The following MN1 variants were observed in gnomAD, a reference collection of about 807,000 sequenced individuals.
MN1 encodes the protein MN1 proto-oncogene, transcriptional regulator.
Under a neutral mutation model 86.9 loss-of-function variants are expected in MN1, and 19 were observed. The observed-to-expected ratio is 0.22, with a 90% CI of 0.15 to 0.32. The LOEUF (loss-of-function observed/expected upper bound fraction) is 0.32, where lower values mean the gene tolerates loss of function less well. Among genes scored for constraint, MN1 ranks in the 10% least tolerant of loss-of-function variants. MN1 has a pLI of 1.00. For synonymous variants in MN1, 928 were observed against 849.6 expected, an observed-to-expected ratio of 1.09 and a Z score of -1.60; for missense variants, 1,841 against 1,862.0, an observed-to-expected ratio of 0.99 and a Z score of 0.21.
chr22:27,753,153 C>T (rs1193478440), intron 1 of MN1, among the ~76,000 whole-genome samples: 1 of 152,222 alleles, frequency 6.6e-6, no homozygotes, highest in Non-Finnish European at 1.5e-5. Flanking sequence ...TGGCCCCTTC[C>T]CTCATTCATG....
chr22:27,767,382 T>G (rs1932877875), intron 1 of MN1, among the ~76,000 whole-genome samples: 1 of 152,158 alleles, frequency 6.6e-6, no homozygotes, highest in South Asian at 2.1e-4. Context: ...CATGTAGAGA[T>G]TAAGGAATTA....
chr22:27,781,338 C>T (rs749422042), intron 1 of MN1, among the ~76,000 whole-genome samples: 18 of 152,218 alleles, frequency 1.2e-4, no homozygotes, highest in East Asian at 1.9e-4. Context: ...GAGGCCTGTC[C>T]TGTGCATTGT....
rs1181398068 is a variant in MN1, at chr22:27,749,823, C to T, written c.*1092G>A. 1.3e-5 allele frequency: 3 copies of T among 231,284 alleles called. No homozygotes were observed. The highest frequency in any genetic ancestry group is 2.2e-5 in the African/African-American group (1 of 45,214). 14.3% of individuals were successfully genotyped at this position (231,284 alleles called of 1,614,324 possible). On this transcript the variant is annotated 3_prime_UTR_variant, in exon 2 of 2. Transcript: ENST00000302326. ...TCATCCCTCCCAGGGGTGGGGTTGC[C>T]CAGGCTGGACTGGGGATGGAATGGG...
chr22:27,798,921 CTGT>C lies in MN1; in HGVS notation c.1620_1622del (p.Gln550del), dbSNP rs757115560. 4.1e-4 allele frequency: 633 copies of C among 1,538,016 alleles called. No individual in the cohort carries two copies. The African/African-American group carries it at 7.3e-3, about 18-fold the overall frequency. On this transcript the variant is annotated inframe_deletion, in exon 1 of 2. Transcript: ENST00000302326. ...GCTGCTGCTGCTGCTGTTGCTGTTG[CTGT>C]TGCTGCTGCTGCTGCTGCTGTTGCT...
intron 1 of MN1, among the ~76,000 whole-genome samples, chr22:27,752,565 A>G (rs1218532104): frequency 6.6e-6 from 1 of 152,214 alleles, no homozygotes; most frequent in Non-Finnish European, 1.5e-5. Context: ...AACCATTCAC[A>G]TCTTAGTATA....
Position 27,797,136 on chromosome 22 carries a change from G to A in MN1, c.3408C>T (p.Arg1136=). 6.3e-7 allele frequency: 1 copy of A among 1,576,682 alleles called. No individual in the cohort carries two copies. Among genetic ancestry groups the A allele is most frequent in the Non-Finnish European group, 8.6e-7 (1 of 1,163,466 alleles). Residue 1136 remains arginine, a synonymous_variant, in exon 1 of 2, where the codon CGC becomes CGT. Coordinates refer to ENST00000302326, the MANE Select transcript of MN1 (RefSeq NM_002430.3). The part of the protein sequence containing the change: ...HPGTPGLEQV[R]TPTSSSGAPP... ...GGGCGCCGCTGCTGCTCGTCGGGGT[G>A]CGGACCTGCTCCAGGCCCGGAGTGC...
In MN1 at chr22:27,797,077, A is replaced by G. The variant is rs1432775869; in HGVS notation, c.3467T>C (p.Leu1156Pro). 2 of 1,611,306 alleles carry G rather than the reference A, an allele frequency of 1.2e-6. No individual in the cohort carries two copies. The highest frequency in any genetic ancestry group is 1.7e-6 in the Non-Finnish European group (2 of 1,179,276). The change falls in exon 1 of 2, where the codon CTT (leucine) becomes CCT (proline). Residue 1156 changes from leucine to proline, a missense_variant. Transcript: ENST00000302326. ...PPDEIHPLEI[L>P]QAQIQLQRQQ... is the part of the protein sequence containing the mutation. ...CCTCTGTAGCTGGATCTGCGCCTGA[A>G]GGATCTCCAGGGGGTGGATCTCGTC...
rs932024176 is a variant in MN1, at chr22:27,784,527, CTAAA to C, written c.3781+12232_3781+12235del. On this transcript the variant is annotated intron_variant, in intron 1 of 1. Coordinates refer to ENST00000302326, the MANE Select transcript of MN1 (RefSeq NM_002430.3). ...GGCTTAAAAACAGATCAATTTTACT[CTAAA>C]GTTTAAAATGAAACATGCTCTTGTT... is the stretch of plus-strand genomic sequence containing the variant. Among the ~76,000 whole-genome samples, 10 of 152,076 alleles carry C rather than the reference CTAAA, an allele frequency of 6.6e-5. No individual in the cohort carries two copies. In the South Asian group the frequency reaches 8.3e-4, roughly 13 times the overall value.
Position 27,750,798 on chromosome 22 carries a change from T to G in MN1, c.*117A>C. 1 of 821,376 alleles carries G rather than the reference T, an allele frequency of 1.2e-6. No individual in the cohort carries two copies. Among genetic ancestry groups the G allele is most frequent in the East Asian group, 3.0e-5 (1 of 33,086 alleles). The allele number at this position is 821,376 out of a possible 1,614,324, so 50.9% of individuals were successfully genotyped here. A position where few individuals can be genotyped will look rare whatever the true frequency, so the allele number is the denominator to read the frequency against. On this transcript the variant is annotated 3_prime_UTR_variant, in exon 2 of 2. Coordinates refer to ENST00000302326, the MANE Select transcript of MN1 (RefSeq NM_002430.3). Reference sequence around the variant, plus strand: ...AACCTAGAGAAAAAAAAAAAACTCATCCACTCAGCAATAGTGGCCCTTTCA... The same window carrying G: ...AACCTAGAGAAAAAAAAAAAACTCAGCCACTCAGCAATAGTGGCCCTTTCA...
At chr22:27,786,926 A>T (rs1933141922) in intron 1 of MN1, among the ~76,000 whole-genome samples, 1 of 152,184 alleles carries the variant, frequency 6.6e-6, no homozygotes, top group South Asian at 2.1e-4. Context: ...TATTAACTAA[A>T]CTGACCCAAA....
chr22:27,764,613 T>C (rs961180601), intron 1 of MN1, among the ~76,000 whole-genome samples: 7 of 152,178 alleles, frequency 4.6e-5, no homozygotes, highest in African/African-American at 1.4e-4. Context: ...TGCCAGGTCA[T>C]CCAACAGTGA....
At chr22:27,776,632 T>C (rs1932981939) in intron 1 of MN1, among the ~76,000 whole-genome samples, 2 of 151,592 alleles carry the variant, frequency 1.3e-5, no homozygotes, top group Admixed American at 1.3e-4. Flanking sequence ...TGAAATTCAG[T>C]GGTTCTGGCC....
At position 27,784,592 on chromosome 22, in the gene MN1, T is replaced by C. The variant is rs559467041; in HGVS notation, c.3781+12171A>G. Reference sequence around the variant, plus strand: ...ATTTCATTAGGGGGAAAATATAATATAAAAATACCCATTTAGAAAGAATGT... The same window carrying C: ...ATTTCATTAGGGGGAAAATATAATACAAAAATACCCATTTAGAAAGAATGT... On this transcript the variant is annotated intron_variant, in intron 1 of 1. Transcript: ENST00000302326. Among the ~76,000 whole-genome samples, 25 of 152,234 alleles carry C rather than the reference T, an allele frequency of 1.6e-4. No individual in the cohort carries two copies. The South Asian group carries it at 5.0e-3, about 30-fold the overall frequency.
intron 1 of MN1, among the ~76,000 whole-genome samples, chr22:27,758,539 G>A (rs912498102): frequency 6.6e-6 from 1 of 152,176 alleles, no homozygotes; most frequent in Non-Finnish European, 1.5e-5. Context: ...CTGAGGGCAG[G>A]GCCCCTCACC....
chr22:27,776,066 T>G (rs958903620), intron 1 of MN1, among the ~76,000 whole-genome samples: 1 of 152,138 alleles, frequency 6.6e-6, no homozygotes. Context: ...CCAAAAAAAA[T>G]TTTTTAAGAC....
intron 1 of MN1, among the ~76,000 whole-genome samples, chr22:27,783,349 C>T (rs564701136): frequency 1.3e-5 from 2 of 152,230 alleles, no homozygotes; most frequent in South Asian, 4.1e-4. Flanking sequence ...CCATGCTGGT[C>T]TCGAACTCCT....
chr22:27,756,751 T>C (rs1233532389), intron 1 of MN1, among the ~76,000 whole-genome samples: 1 of 152,050 alleles, frequency 6.6e-6, no homozygotes, highest in African/African-American at 2.4e-5. Context: ...TCTTTTGTTG[T>C]TGTTGTTTTT....
chr22:27,792,913 A>G (rs1429324788), intron 1 of MN1, among the ~76,000 whole-genome samples: 1 of 152,016 alleles, frequency 6.6e-6, no homozygotes, highest in Non-Finnish European at 1.5e-5. Flanking sequence ...AGTCTGCCCT[A>G]TGTCTAAAGA....
intron 1 of MN1, among the ~76,000 whole-genome samples, chr22:27,751,942 G>C (rs1366501124): frequency 6.6e-6 from 1 of 152,156 alleles, no homozygotes; most frequent in East Asian, 1.9e-4. Context: ...TGGTGTGCAG[G>C]GGCTGAGGCT....
Sources: allele counts gnomAD v4.1 joint callset (sites outside exome capture counted in the v4.1 genomes callset), GRCh38; gene constraint gnomAD v4.1.1; transcripts MANE v1.5; gene names NCBI Gene and HGNC (gene_info 2026-07-23, HGNC 2026-07-21).